Variants in MDGA2 observed in about 807,000 individuals in gnomAD.
MDGA2 encodes the protein MAM domain containing glycosylphosphatidylinositol anchor 2.
MDGA2 carries 40 observed loss-of-function variants against 117.8 expected under a neutral mutation model. The ratio of observed to expected loss-of-function variants is 0.34; its 90% CI spans 0.26 to 0.44. MDGA2 has a LOEUF of 0.44. MDGA2 is among the 20% of genes least tolerant of loss of function. The pLI is 1.00. For synonymous variants in MDGA2, 452 were observed against 439.0 expected (o/e 1.03, Z -0.37); for missense variants, 1,123 against 1,250.6 (o/e 0.90, Z 1.54).
At chr14:47,158,938 A>G (rs1268029215) in intron 3 of MDGA2, among the ~76,000 whole-genome samples, 2 of 152,198 alleles carry the variant, frequency 1.3e-5, no homozygotes, top group East Asian at 1.9e-4. Context: ...AAAGAAGCCA[A>G]TCTGTAAAGG....
chr14:47,069,397 T>A (rs184907451), intron 6 of MDGA2, among the ~76,000 whole-genome samples: 2 of 152,250 alleles, frequency 1.3e-5, no homozygotes, highest in African/African-American at 2.4e-5. Context: ...TCATGGACTG[T>A]TCTCATTCAC....
At chr14:47,670,071 G>T (rs925830086) in intron 1 of MDGA2, among the ~76,000 whole-genome samples, 1 of 152,100 alleles carries the variant, frequency 6.6e-6, no homozygotes, top group East Asian at 1.9e-4. Flanking sequence ...GGCCATTTCT[G>T]TCCAGCTACT....
At chr14:47,333,205 G>A (rs1026278471) in intron 1 of MDGA2, among the ~76,000 whole-genome samples, 12 of 151,818 alleles carry the variant, frequency 7.9e-5, no homozygotes, top group Non-Finnish European at 1.8e-4. Flanking sequence ...TTAATTATTT[G>A]AGAAATCTCC....
intron 5 of MDGA2, among the ~76,000 whole-genome samples, chr14:47,117,748 G>C (rs1402622461): frequency 6.6e-6 from 1 of 152,092 alleles, no homozygotes; most frequent in East Asian, 1.9e-4. Context: ...ATCAGGGGTT[G>C]AGTGAGGAGG....
intron 3 of MDGA2, among the ~76,000 whole-genome samples, chr14:47,214,705 C>T (rs919431442): frequency 1.3e-5 from 2 of 152,006 alleles, no homozygotes; most frequent in African/African-American, 2.4e-5. Context: ...AAATTCCTTT[C>T]GTGAAACTAC....
intron 1 of MDGA2, among the ~76,000 whole-genome samples, chr14:47,512,520 C>G (rs915283348): frequency 1.9e-4 from 29 of 152,112 alleles, no homozygotes; most frequent in African/African-American, 6.8e-4. Flanking sequence ...TATCACCTTT[C>G]AAATGCCAAA....
chr14:47,517,812 G>T (rs138010569), intron 1 of MDGA2, among the ~76,000 whole-genome samples: 2 of 152,156 alleles, frequency 1.3e-5, no homozygotes, highest in East Asian at 1.9e-4. Context: ...GAGTTCATTT[G>T]TTCCTATTTA....
intron 1 of MDGA2, among the ~76,000 whole-genome samples, chr14:47,334,526 G>A (rs554102740): frequency 4.6e-5 from 7 of 151,984 alleles, no homozygotes; most frequent in African/African-American, 1.4e-4. Context: ...CAGACCATTA[G>A]TGGGATAATT....
chr14:47,276,241 CT>C (rs1410770086), intron 2 of MDGA2, among the ~76,000 whole-genome samples: 2 of 152,040 alleles, frequency 1.3e-5, no homozygotes, highest in Non-Finnish European at 2.9e-5. Flanking sequence ...CTAATCCAGT[CT>C]ATGAGGTGAA....
intron 5 of MDGA2, among the ~76,000 whole-genome samples, chr14:47,103,927 A>G (rs1219523327): frequency 3.9e-5 from 6 of 152,174 alleles, no homozygotes; most frequent in African/African-American, 1.2e-4. Flanking sequence ...AAGCTGTGAT[A>G]TATCAGCGAA....
intron 1 of MDGA2, among the ~76,000 whole-genome samples, chr14:47,464,912 C>A (rs919035820): frequency 1.5e-4 from 23 of 151,830 alleles, no homozygotes; most frequent in African/African-American, 5.3e-4. Flanking sequence ...AAAAACAAAG[C>A]CAGAGAGCCA....
chr14:47,172,183 C>G (rs1242518199), intron 3 of MDGA2, among the ~76,000 whole-genome samples: 1 of 152,170 alleles, frequency 6.6e-6, no homozygotes, highest in African/African-American at 2.4e-5. Flanking sequence ...CTCAAGGAGG[C>G]CTGCCTGCCT....
intron 1 of MDGA2, among the ~76,000 whole-genome samples, chr14:47,506,309 T>C (rs937597413): frequency 6.6e-6 from 1 of 152,162 alleles, no homozygotes; most frequent in Non-Finnish European, 1.5e-5. Context: ...AATTTTCCTC[T>C]AAAAAAATCT....
chr14:46,918,954 G>A (rs987003114), intron 10 of MDGA2, among the ~76,000 whole-genome samples: 16 of 151,926 alleles, frequency 1.1e-4, no homozygotes, highest in African/African-American at 3.6e-4. Context: ...AGTAGAGACG[G>A]GGTTTCACCG....
At chr14:47,657,500 A>T (rs1566561909) in intron 1 of MDGA2, among the ~76,000 whole-genome samples, 1 of 152,022 alleles carries the variant, frequency 6.6e-6, no homozygotes, top group Non-Finnish European at 1.5e-5. Flanking sequence ...AGCAGGAGGG[A>T]CCCTGATGTA....
chr14:46,926,426 A>T (rs1055381244), intron 9 of MDGA2, among the ~76,000 whole-genome samples: 8 of 152,132 alleles, frequency 5.3e-5, no homozygotes, highest in Middle Eastern at 6.8e-3. Flanking sequence ...TGATTTGAAA[A>T]AAAAAAAAGC....
At chr14:47,487,033 T>G (rs1305917382) in intron 1 of MDGA2, among the ~76,000 whole-genome samples, 2 of 152,190 alleles carry the variant, frequency 1.3e-5, no homozygotes, top group Non-Finnish European at 2.9e-5. Context: ...ATTCACAGTA[T>G]CAGAAACACA....
chr14:47,674,518 G>C lies in MDGA2; in HGVS notation c.279C>G (p.Tyr93Ter). ...CGATAGCGTCGCGATTCCACTCACC[G>C]TACACTCCTTGGCCAGAGATCCCCT... ...LLEGISGQGV[Y>*]APPTVRIVHS... Residue 93 changes from tyrosine (Y) to a stop codon, truncating the protein, a stop_gained and splice_region_variant, in exon 1 of 17, where the codon TAC (tyrosine) becomes TAG (stop). Transcript: ENST00000399232. LOFTEE classifies it high-confidence loss of function. 6.5e-7 allele frequency: 1 copy of C among 1,550,190 alleles called. No individual in the cohort carries two copies. Among genetic ancestry groups the C allele is most frequent in the Non-Finnish European group, 8.7e-7 (1 of 1,146,310 alleles).
chr14:46,866,821 G>A (rs921937069), intron 14 of MDGA2, among the ~76,000 whole-genome samples: 1 of 152,148 alleles, frequency 6.6e-6, no homozygotes, highest in Non-Finnish European at 1.5e-5. Context: ...TCAGAGAAAT[G>A]CAAATCAAAA....
Sources: gnomAD v4.1 joint callset for allele counts (sites outside exome capture counted in the v4.1 genomes callset) on GRCh38, gnomAD v4.1.1 for gene constraint, MANE v1.5 for transcripts, NCBI Gene and HGNC (gene_info 2026-07-23, HGNC 2026-07-21) for gene names.